Variants in KIAA1217 observed in about 807,000 individuals in gnomAD.
KIAA1217 encodes KIAA1217.
A neutral mutation model predicts 163.9 loss-of-function variants in KIAA1217; 88 were observed. The ratio of observed to expected loss-of-function variants is 0.54; its 90% CI spans 0.45 to 0.64. The LOEUF is 0.64. Ranked by LOEUF, KIAA1217 falls within the 30% of genes least tolerant of loss-of-function variation. The probability of loss-of-function intolerance (pLI) is 0.00; values close to 1 mark genes in which losing one functional copy is unlikely to be tolerated. For synonymous variants in KIAA1217, 903 were observed against 923.1 expected, an observed-to-expected ratio of 0.98 and a Z score of 0.39; for missense variants, 2,372 against 2,475.0, an observed-to-expected ratio of 0.96 and a Z score of 0.88.
chr10:24,278,991 G>A (rs924029143), intron 2 of KIAA1217, among the ~76,000 whole-genome samples: 1 of 151,860 alleles, frequency 6.6e-6, no homozygotes, highest in Admixed American at 6.6e-5. Context: ...TGAGTAGCTG[G>A]GATTACAGTC....
At chr10:23,720,571 C>G (rs969234025) in intron 1 of KIAA1217, among the ~76,000 whole-genome samples, 2 of 152,028 alleles carry the variant, frequency 1.3e-5, no homozygotes, top group African/African-American at 4.8e-5. Context: ...ATGAAGGGGA[C>G]TGGGAGGTAC....
intron 2 of KIAA1217, among the ~76,000 whole-genome samples, chr10:24,225,670 T>C (rs1382031208): frequency 6.6e-6 from 1 of 152,252 alleles, no homozygotes; most frequent in Non-Finnish European, 1.5e-5. Context: ...GGCATTCACA[T>C]ATAAAGAATA....
At chr10:24,350,035 A>G (rs914994889) in intron 2 of KIAA1217, among the ~76,000 whole-genome samples, 3 of 152,204 alleles carry the variant, frequency 2.0e-5, no homozygotes, top group South Asian at 2.1e-4. Flanking sequence ...AAAAGCAGGC[A>G]TGATGCATGG....
chr10:23,913,613 A>G (rs1236755871), intron 1 of KIAA1217, among the ~76,000 whole-genome samples: 1 of 152,098 alleles, frequency 6.6e-6, no homozygotes, highest in Non-Finnish European at 1.5e-5. Context: ...CAAAGGCTAC[A>G]GAATATCCTG....
intron 5 of KIAA1217, among the ~76,000 whole-genome samples, chr10:24,452,069 T>A (rs1722306935): frequency 6.6e-6 from 1 of 152,118 alleles, no homozygotes; most frequent in African/African-American, 2.4e-5. Flanking sequence ...TTATATAAAT[T>A]TGGGGGTAGG....
chr10:24,401,464 A>G (rs958306923), intron 3 of KIAA1217, among the ~76,000 whole-genome samples: 5 of 152,220 alleles, frequency 3.3e-5, no homozygotes, highest in African/African-American at 1.2e-4. Flanking sequence ...GTAATCCACC[A>G]TATGAACAGG....
chr10:24,401,179 C>T (rs1416836703), intron 3 of KIAA1217, among the ~76,000 whole-genome samples: 3 of 140,796 alleles, frequency 2.1e-5, no homozygotes, highest in Admixed American at 2.0e-4. Flanking sequence ...AAGTTACCAT[C>T]AACCAATATA....
chr10:24,370,361 A>G (rs2051455645), intron 2 of KIAA1217, among the ~76,000 whole-genome samples: 1 of 151,940 alleles, frequency 6.6e-6, no homozygotes, highest in Non-Finnish European at 1.5e-5. Flanking sequence ...ATTTTAAAAT[A>G]TAGGTACTAT....
intron 1 of KIAA1217, among the ~76,000 whole-genome samples, chr10:23,841,218 G>A (rs565079848): frequency 6.6e-6 from 1 of 152,264 alleles, no homozygotes; most frequent in Admixed American, 6.5e-5. Context: ...GTTTTCATTA[G>A]GTTGTGTGTA....
At chr10:24,534,759 T>C (rs974032002) in intron 16 of KIAA1217, among the ~76,000 whole-genome samples, 1 of 151,732 alleles carries the variant, frequency 6.6e-6, no homozygotes, top group African/African-American at 2.4e-5. Context: ...TGGGTGCCTG[T>C]AATCCCAGCT....
intron 1 of KIAA1217, among the ~76,000 whole-genome samples, chr10:23,926,350 C>A (rs1843017417): frequency 6.6e-6 from 1 of 152,200 alleles, no homozygotes; most frequent in Admixed American, 6.5e-5. Flanking sequence ...GATTAATACA[C>A]ATCTCATATG....
intron 1 of KIAA1217, among the ~76,000 whole-genome samples, chr10:23,755,205 AGAG>A (rs984604899): frequency 2.0e-5 from 3 of 152,202 alleles, no homozygotes; most frequent in Non-Finnish European, 2.9e-5. Context: ...AAAGTTTGGA[AGAG>A]AAGATAACTT....
At chr10:23,709,543 A>G (rs1051428848) in intron 1 of KIAA1217, among the ~76,000 whole-genome samples, 2 of 152,062 alleles carry the variant, frequency 1.3e-5, no homozygotes, top group Non-Finnish European at 1.5e-5. Context: ...AAAGAAAAAA[A>G]AAAAATAAAG....
chr10:24,184,675 C>G (rs1302520252), intron 2 of KIAA1217, among the ~76,000 whole-genome samples: 1 of 152,214 alleles, frequency 6.6e-6, no homozygotes, highest in Non-Finnish European at 1.5e-5. Context: ...GGGGAGGTCA[C>G]TGGTCAACAG....
intron 1 of KIAA1217, among the ~76,000 whole-genome samples, chr10:23,740,486 C>A (rs966708858): frequency 2.0e-5 from 3 of 152,104 alleles, no homozygotes; most frequent in Admixed American, 6.5e-5. Flanking sequence ...AGCCTTACAA[C>A]TAGCTGGGAC....
intron 3 of KIAA1217, among the ~76,000 whole-genome samples, chr10:24,388,007 C>G (rs1409365509): frequency 6.6e-6 from 1 of 152,140 alleles, no homozygotes; most frequent in Non-Finnish European, 1.5e-5. Context: ...TCAATGCCAT[C>G]CCCATCAAGC....
At chr10:24,529,735 G>A (rs2072820950) in intron 14 of KIAA1217, among the ~76,000 whole-genome samples, 1 of 151,754 alleles carries the variant, frequency 6.6e-6, no homozygotes, top group African/African-American at 2.4e-5. Context: ...CTCACACAAA[G>A]TGACTTTCCT....
At chr10:24,058,640 T>A (rs956225660) in intron 2 of KIAA1217, among the ~76,000 whole-genome samples, 4 of 152,196 alleles carry the variant, frequency 2.6e-5, no homozygotes, top group African/African-American at 9.7e-5. Flanking sequence ...TTTATTCTTT[T>A]GGATGCTATT....
chr10:23,926,032 G>C (rs117400752), intron 1 of KIAA1217, among the ~76,000 whole-genome samples: 3,180 of 152,176 alleles, frequency 0.021, 63 homozygotes, highest in Admixed American at 0.064. Flanking sequence ...TGTGGTCCTC[G>C]ATCCAGGCAG....
Sources: allele counts gnomAD v4.1 joint callset (sites outside exome capture counted in the v4.1 genomes callset), GRCh38; gene constraint gnomAD v4.1.1; transcripts MANE v1.5; gene names NCBI Gene and HGNC (gene_info 2026-07-23, HGNC 2026-07-21).